TMPRSS6: variants seen among roughly 807,000 people sequenced by gnomAD.
TMPRSS6 encodes the protein transmembrane protease serine 6.
A neutral mutation model predicts 101.5 loss-of-function variants in TMPRSS6; 67 were observed. That is an observed-to-expected ratio of 0.66 (90% CI 0.54 to 0.81). TMPRSS6 has a LOEUF of 0.81. Among genes scored for constraint, TMPRSS6 ranks in the 30% least tolerant of loss-of-function variants. The pLI is 0.00. For missense variants in TMPRSS6, 1,034 were observed against 1,088.7 expected, an observed-to-expected ratio of 0.95 and a Z score of 0.71; for synonymous variants, 453 against 464.9, an observed-to-expected ratio of 0.97 and a Z score of 0.33.
intron 15 of TMPRSS6, 120 bp downstream of exon 15, chr22:37,070,364 T>G: frequency 7.5e-7 from 1 of 1,324,854 alleles, no homozygotes. Flanking sequence ...CACAGTAGCC[T>G]GTCTGGGGGG....
chr22:37,102,038 GA>G (rs112390782), intron 2 of TMPRSS6, among the ~76,000 whole-genome samples: 37,270 of 152,092 alleles, frequency 0.25, 4,963 homozygotes, highest in Non-Finnish European at 0.3. Context: ...GCTGGTTCCA[GA>G]CACTCCCAAC....
chr22:37,102,286 AAAT>A (rs1331917009), intron 2 of TMPRSS6, among the ~76,000 whole-genome samples: 1 of 152,224 alleles, frequency 6.6e-6, no homozygotes, highest in African/African-American at 2.4e-5. Flanking sequence ...GCTTTAGCGT[AAAT>A]GTCAGGTCTG....
chr22:37,103,400 G>A lies in TMPRSS6; in HGVS notation c.18C>T (p.Ala6=), dbSNP rs372824837. ...CCCCCTGCCCGCCAGCCACCTGGGG[G>A]GCCTCGGCCACGGGCATCCTGCCAG... is the stretch of plus-strand genomic sequence containing the variant. MPVAE[A]PQVAGGQGDG... The change falls in exon 2 of 18, where the codon GCC becomes GCT. Residue 6 remains alanine (A), a synonymous_variant. Coordinates refer to ENST00000676104, the MANE Select transcript of TMPRSS6 (RefSeq NM_001374504.1). This position sits in a 1 kb window ranked among gnomAD's most constrained non-coding sequence, Gnocchi z 4.4. 3.1e-6 allele frequency: 5 copies of A among 1,614,062 alleles called. No individual in the cohort carries two copies. The highest frequency in any genetic ancestry group is 4.2e-6 in the Non-Finnish European group (5 of 1,180,048).
At chr22:37,072,330 A>G (rs931913191) in intron 13 of TMPRSS6, among the ~76,000 whole-genome samples, 1 of 137,264 alleles carries the variant, frequency 7.3e-6, no homozygotes, top group Non-Finnish European at 1.6e-5. Flanking sequence ...TGATGGATGA[A>G]TGGATGGATG....
rs1601517565 is a variant in TMPRSS6 at position 37,069,945 on chromosome 22, A to C, written c.1841+539T>G. 1.3e-5 allele frequency among the ~76,000 whole-genome samples: 2 copies of C among 152,282 alleles called. No homozygotes were observed. The highest frequency in any genetic ancestry group is 3.9e-4 in the East Asian group (2 of 5,168). On this transcript the variant is annotated intron_variant, in intron 15 of 17. Transcript: ENST00000676104. This position sits in a 1 kb window ranked among gnomAD's most constrained non-coding sequence, Gnocchi z 4.8. The stretch of plus-strand genomic sequence containing the variant: ...GCGCCCTGCGTCCCAGAGAGGATAC[A>C]AAAGGGGATCCCTGTGCAGGGCCTG...
intron 1 of TMPRSS6, among the ~76,000 whole-genome samples, chr22:37,105,456 C>T (rs1327344288): frequency 6.6e-6 from 1 of 152,238 alleles, no homozygotes; most frequent in East Asian, 1.9e-4. Flanking sequence ...TAACAGGGTG[C>T]TGAGACTCTT....
Position 37,075,243 on chromosome 22 carries a change from T to C in TMPRSS6, c.1234A>G (p.Arg412Gly). 6.2e-7 allele frequency: 1 copy of C among 1,613,728 alleles called. No individual in the cohort carries two copies. The highest frequency in any genetic ancestry group is 8.5e-7 in the Non-Finnish European group (1 of 1,180,034). ...GLRILQPYAE[R>G]IPVVATAGIT... ...CCGGCCGTGGCCACCACGGGGATCC[T>C]CTCGGCGTAGGGCTGCAGGATGCGC... Residue 412 changes from arginine to glycine, a missense_variant, in exon 11 of 18, where the codon AGG becomes GGG. Transcript: ENST00000676104.
rs184819931 is a variant in TMPRSS6, at chr22:37,105,160, C to T, written c.-1-1742G>A. On this transcript the variant is annotated intron_variant, in intron 1 of 17. Coordinates refer to ENST00000676104, the MANE Select transcript of TMPRSS6 (RefSeq NM_001374504.1). Reference sequence around the variant, plus strand: ...GGCTCCCTCCAGCTCCCCTTGGCATCGTTCCCAGCTAAGGGTCTTTGGTGT... The same window carrying T: ...GGCTCCCTCCAGCTCCCCTTGGCATTGTTCCCAGCTAAGGGTCTTTGGTGT... 7.2e-4 allele frequency among the ~76,000 whole-genome samples: 109 copies of T among 152,162 alleles called. 1 individual carries two copies. The Middle Eastern group carries it at 0.01, about 14-fold the overall frequency.
At chr22:37,071,289 T>A (rs1330530695) in intron 13 of TMPRSS6, among the ~76,000 whole-genome samples, 1 of 151,300 alleles carries the variant, frequency 6.6e-6, no homozygotes, top group Non-Finnish European at 1.5e-5. Context: ...CACAAGATCA[T>A]GCCTCCCCCT....
rs572548535 is a variant in TMPRSS6 at position 37,085,717 on chromosome 22, G to A, written c.973+566C>T. Among the ~76,000 whole-genome samples the A allele has an allele frequency of 1.8e-3, 267 of 152,164 alleles. 1 individual carries two copies. The highest frequency in any genetic ancestry group is 6.2e-3 in the African/African-American group (257 of 41,508). The stretch of plus-strand genomic sequence containing the variant: ...GAAGCAGGAGGAGGGTGGGGGCTGG[G>A]AAGGCAGTGGGAGACCTGCCACACC... On this transcript the variant is annotated intron_variant, in intron 8 of 17. Coordinates refer to ENST00000676104, the MANE Select transcript of TMPRSS6 (RefSeq NM_001374504.1).
In TMPRSS6 at chr22:37,065,881, A is replaced by G; in HGVS notation, c.*199T>C. The G allele has an allele frequency of 1.5e-6, 1 of 679,684 alleles. No homozygotes were observed. Among genetic ancestry groups the G allele is most frequent in the Non-Finnish European group, 2.5e-6 (1 of 403,368 alleles). The allele number at this position is 679,684 out of a possible 1,614,324, so 42.1% of individuals were successfully genotyped here. On this transcript the variant is annotated 3_prime_UTR_variant, in exon 18 of 18. Coordinates refer to ENST00000676104, the MANE Select transcript of TMPRSS6 (RefSeq NM_001374504.1). ...GCCTGGGTCCTCAGGGGACGTCTTGACCCCCAGCTGCTGGCACTTCTCCAT... is the reference window on the plus strand; with the variant it reads ...GCCTGGGTCCTCAGGGGACGTCTTGGCCCCCAGCTGCTGGCACTTCTCCAT...
chr22:37,109,973 G>C (rs894990017), upstream of TMPRSS6, among the ~76,000 whole-genome samples: 10 of 152,172 alleles, frequency 6.6e-5, no homozygotes, highest in South Asian at 1.0e-3. Flanking sequence ...GTGAGTCCAG[G>C]TGCTTACCTG....
chr22:37,073,160 GTGGATGGATGGATGGATGGA>G (rs375343726), intron 13 of TMPRSS6, among the ~76,000 whole-genome samples: 1 of 138,170 alleles, frequency 7.2e-6, no homozygotes, highest in Non-Finnish European at 1.5e-5. Flanking sequence ...AGATGGGTGG[GTGGATGGATGGATGGATGGA>G]TGGATGGATG....
At chr22:37,089,544 G>GGGCCCCCCCCC in intron 7 of TMPRSS6, 34 bp downstream of exon 7, 1 of 1,348,866 alleles carries the variant, frequency 7.4e-7, no homozygotes. Context: ...CCCTTTTCCA[G>GGGCCCCCCCCC]CCCTCCCTCC....
chr22:37,083,165 G>GA, intron 10 of TMPRSS6: 1 of 447,336 alleles, frequency 2.2e-6, no homozygotes, highest in Non-Finnish European at 4.6e-6. Flanking sequence ...GGTTGGAAGG[G>GA]AGGGCAGAGG....
At chr22:37,077,866 G>T (rs1486703187) in intron 10 of TMPRSS6, among the ~76,000 whole-genome samples, 1 of 152,194 alleles carries the variant, frequency 6.6e-6, no homozygotes. Flanking sequence ...AGGGTACTCA[G>T]TCATTTTGCG....
chr22:37,081,773 A>G (rs573215045), intron 10 of TMPRSS6, among the ~76,000 whole-genome samples: 10 of 152,324 alleles, frequency 6.6e-5, no homozygotes, highest in Middle Eastern at 3.4e-3. Context: ...ACAAGAGGCC[A>G]AGTCCTTAGC....
chr22:37,093,459 A>G (rs1339699918), intron 6 of TMPRSS6, among the ~76,000 whole-genome samples: 1 of 139,424 alleles, frequency 7.2e-6, no homozygotes, highest in Admixed American at 7.4e-5. Flanking sequence ...CAGTGGCACA[A>G]CCTCACAATC....
chr22:37,073,884 A>T (rs1022516503), intron 12 of TMPRSS6, among the ~76,000 whole-genome samples: 1 of 152,140 alleles, frequency 6.6e-6, no homozygotes, highest in African/African-American at 2.4e-5. Context: ...AGCTGAGATT[A>T]ATTACAGGCT....
Sources: allele counts gnomAD v4.1 joint callset (sites outside exome capture counted in the v4.1 genomes callset), GRCh38; gene constraint gnomAD v4.1.1; non-coding constraint Gnocchi (gnomAD v3.1); transcripts MANE v1.5; gene names NCBI Gene and HGNC (gene_info 2026-07-23, HGNC 2026-07-21).